TPO: variants seen among roughly 807,000 people sequenced by gnomAD.
The protein encoded by TPO is thyroid peroxidase, also known as thyroid microsomal antigen.
TPO carries 78 observed loss-of-function variants against 96.9 expected under a neutral mutation model. The ratio of observed to expected loss-of-function variants is 0.81; its 90% CI spans 0.67 to 0.97. The LOEUF is 0.97. Ranked by LOEUF, TPO falls within the 50% of genes least tolerant of loss-of-function variation. TPO has a pLI of 0.00. For synonymous variants in TPO, 547 were observed against 538.0 expected, an observed-to-expected ratio of 1.02 and a Z score of -0.23; for missense variants, 1,252 against 1,274.8, an observed-to-expected ratio of 0.98 and a Z score of 0.27.
At chr2:1,457,349 TGTGG>T (rs1328412579) in intron 7 of TPO, among the ~76,000 whole-genome samples, 1 of 116,902 alleles carries the variant, frequency 8.6e-6, no homozygotes, top group East Asian at 3.3e-4. Context: ...CATGATAGTG[TGTGG>T]GCAGATGTGT....
In TPO at chr2:1,456,821, CAT is replaced by C. The variant is rs1558308260; in HGVS notation, c.819+540_819+541del. On this transcript the variant is annotated intron_variant, in intron 7 of 16. Coordinates refer to ENST00000329066, the MANE Select transcript of TPO (RefSeq NM_001206744.2). ...TAGCATGTATGATAGTGTGTGGGCA[CAT>C]GTGTACATAGCATGTATGATACTGT... Among the ~76,000 whole-genome samples the C allele has an allele frequency of 6.3e-4, 6 of 9,494 alleles. 3 individuals carry two copies. Among genetic ancestry groups the C allele is most frequent in the Non-Finnish European group, 9.7e-4 (4 of 4,124 alleles). 6.2% of individuals were successfully genotyped at this position (9,494 alleles called of 152,430 possible). A position where few individuals can be genotyped will look rare whatever the true frequency, so the allele number is the denominator to read the frequency against.
chr2:1,446,966 C>A (rs2090154), intron 5 of TPO, among the ~76,000 whole-genome samples: 24 of 152,226 alleles, frequency 1.6e-4, no homozygotes, highest in South Asian at 1.2e-3. Flanking sequence ...CTGCAACATA[C>A]GAGGTGGCAA....
intron 1 of TPO, among the ~76,000 whole-genome samples, chr2:1,392,635 G>T (rs1662020234): frequency 6.6e-6 from 1 of 152,036 alleles, no homozygotes; most frequent in Non-Finnish European, 1.5e-5. Flanking sequence ...CTCTGGTCCT[G>T]GACTGGTTGG....
intron 1 of TPO, among the ~76,000 whole-genome samples, chr2:1,391,336 TG>T (rs1341991815): frequency 1.3e-5 from 2 of 152,076 alleles, no homozygotes; most frequent in African/African-American, 4.8e-5. Flanking sequence ...CAGATGGTTG[TG>T]GATGTGTGGT....
At chr2:1,384,170 T>G (rs1377860167) in intron 1 of TPO, among the ~76,000 whole-genome samples, 2 of 152,180 alleles carry the variant, frequency 1.3e-5, no homozygotes. Flanking sequence ...AGCTATGTTC[T>G]TTGGCTTAGG....
chr2:1,400,701 G>A (rs77367664), intron 1 of TPO, among the ~76,000 whole-genome samples: 4 of 148,764 alleles, frequency 2.7e-5, no homozygotes, highest in Non-Finnish European at 4.4e-5. Flanking sequence ...TTTCCTTCAC[G>A]TTTCAGTGGA....
chr2:1,442,017 G>A (rs1006322791), intron 5 of TPO, among the ~76,000 whole-genome samples: 3 of 152,146 alleles, frequency 2.0e-5, no homozygotes, highest in Non-Finnish European at 4.4e-5. Context: ...TAAGTCTCAC[G>A]AGATTTGACA....
At chr2:1,502,181 C>T (rs1171322961) in intron 13 of TPO, among the ~76,000 whole-genome samples, 2 of 152,144 alleles carry the variant, frequency 1.3e-5, no homozygotes, top group Non-Finnish European at 2.9e-5. Context: ...TGCCTTCACA[C>T]AGCTCTGGTG....
intron 1 of TPO, among the ~76,000 whole-genome samples, chr2:1,375,045 A>T (rs1246237159): frequency 6.6e-6 from 1 of 152,132 alleles, no homozygotes; most frequent in Non-Finnish European, 1.5e-5. Flanking sequence ...ATACCTTTTC[A>T]ACAGATATTT....
At chr2:1,392,051 T>G (rs1166758530) in intron 1 of TPO, among the ~76,000 whole-genome samples, 2 of 152,196 alleles carry the variant, frequency 1.3e-5, no homozygotes, top group Non-Finnish European at 2.9e-5. Context: ...TCCAACACTA[T>G]GTTGAATAGG....
intron 10 of TPO, among the ~76,000 whole-genome samples, chr2:1,489,939 C>T (rs79142633): frequency 0.037 from 4,226 of 114,698 alleles, 170 homozygotes; most frequent in Middle Eastern, 0.12. Flanking sequence ...CAGGAGGAGT[C>T]ACGACAGAGC....
rs938575377 is a variant in TPO at position 1,460,329 on chromosome 2, T to C, written c.819+4047T>C. Reference sequence around the variant, plus strand: ...GCAGAAGTACCTGTATCTTCAGCAATGAACAGTCTGCCAAGCAGAGGCCCT... The same window carrying C: ...GCAGAAGTACCTGTATCTTCAGCAACGAACAGTCTGCCAAGCAGAGGCCCT... On this transcript the variant is annotated intron_variant, in intron 7 of 16. Transcript: ENST00000329066. Among the ~76,000 whole-genome samples the C allele has an allele frequency of 1.2e-4, 19 of 152,228 alleles. No homozygotes were observed. The East Asian group carries it at 3.7e-3, about 30-fold the overall frequency.
intron 2 of TPO, among the ~76,000 whole-genome samples, chr2:1,416,727 T>C (rs1442104964): frequency 2.6e-5 from 4 of 152,266 alleles, no homozygotes; most frequent in Non-Finnish European, 5.9e-5. Flanking sequence ...TGTCTCACAG[T>C]ATTTCTATTT....
At chr2:1,374,950 C>T (rs992751874) in intron 1 of TPO, among the ~76,000 whole-genome samples, 2 of 151,928 alleles carry the variant, frequency 1.3e-5, no homozygotes, top group East Asian at 1.9e-4. Flanking sequence ...AGGATGGTCT[C>T]GATCTCCTGA....
rs560223400 is a variant in TPO, at chr2:1,501,969, G to C, written c.2387-1979G>C. 5.3e-5 allele frequency among the ~76,000 whole-genome samples: 8 copies of C among 152,302 alleles called. No homozygotes were observed. In the South Asian group the frequency reaches 1.4e-3, roughly 28 times the overall value. On this transcript the variant is annotated intron_variant, in intron 13 of 16. Transcript: ENST00000329066. ...AGTCTGAACTGCAGGGATGGGGTGA[G>C]GAGAGGGGGCAGAAGCTGCTCCAAG...
At chr2:1,502,145 C>T (rs1672932372) in intron 13 of TPO, among the ~76,000 whole-genome samples, 1 of 152,136 alleles carries the variant, frequency 6.6e-6, no homozygotes, top group South Asian at 2.1e-4. Context: ...GATGGAAACA[C>T]TCCCTACCCC....
chr2:1,505,026 GC>G (rs1385701666), intron 14 of TPO, among the ~76,000 whole-genome samples: 2 of 152,162 alleles, frequency 1.3e-5, no homozygotes, highest in Non-Finnish European at 2.9e-5. Context: ...AGGAGCTTCT[GC>G]TAAACTGGAA....
chr2:1,385,442 ATG>A (rs1214827637), intron 1 of TPO, among the ~76,000 whole-genome samples: 1 of 151,998 alleles, frequency 6.6e-6, no homozygotes, highest in Non-Finnish European at 1.5e-5. Context: ...TCTTGGGAGA[ATG>A]TGTGTGTCGA....
intron 5 of TPO, among the ~76,000 whole-genome samples, chr2:1,448,785 T>A (rs1573231428): frequency 6.6e-6 from 1 of 152,176 alleles, no homozygotes; most frequent in East Asian, 1.9e-4. Flanking sequence ...TAACATCAAG[T>A]GAGTGGTGAG....
Sources: gnomAD v4.1 joint callset for allele counts (sites outside exome capture counted in the v4.1 genomes callset) on GRCh38, gnomAD v4.1.1 for gene constraint, MANE v1.5 for transcripts, NCBI Gene and HGNC (gene_info 2026-07-23, HGNC 2026-07-21) for gene names.